Variants in ANKS1B observed in about 807,000 individuals in gnomAD.
The protein encoded by ANKS1B is ankyrin repeat and sterile alpha motif domain-containing protein 1B.
ANKS1B carries 36 observed loss-of-function variants against 148.3 expected under a neutral mutation model. That is an observed-to-expected ratio of 0.24 (90% CI 0.19 to 0.32). The LOEUF is 0.32. ANKS1B is among the 10% of genes least tolerant of loss of function. ANKS1B has a pLI of 1.00. For synonymous variants in ANKS1B, 542 were observed against 560.8 expected, an observed-to-expected ratio of 0.97 and a Z score of 0.47; for missense variants, 1,157 against 1,542.6, an observed-to-expected ratio of 0.75 and a Z score of 4.19.
intron 1 of ANKS1B, among the ~76,000 whole-genome samples, chr12:99,958,890 G>A (rs1326133046): frequency 6.6e-6 from 1 of 152,034 alleles, no homozygotes; most frequent in Non-Finnish European, 1.5e-5. Flanking sequence ...CAGAACTCTG[G>A]GTACAGATAA....
At chr12:98,819,824 C>T (rs1250291301) in intron 19 of ANKS1B, among the ~76,000 whole-genome samples, 1 of 152,166 alleles carries the variant, frequency 6.6e-6, no homozygotes, top group African/African-American at 2.4e-5. Context: ...TTAATGCATA[C>T]AGACAAAAGC....
At chr12:99,028,916 C>T (rs2099950389) in intron 17 of ANKS1B, among the ~76,000 whole-genome samples, 1 of 152,144 alleles carries the variant, frequency 6.6e-6, no homozygotes, top group South Asian at 2.1e-4. Flanking sequence ...ATTTTTATAA[C>T]TCCTTTAATG....
intron 9 of ANKS1B, among the ~76,000 whole-genome samples, chr12:99,530,095 C>T (rs187116491): frequency 3.3e-5 from 5 of 152,266 alleles, no homozygotes; most frequent in African/African-American, 1.2e-4. Flanking sequence ...GAAGCAGCCA[C>T]GTACAATATG....
intron 15 of ANKS1B, among the ~76,000 whole-genome samples, chr12:99,111,628 G>A (rs762203781): frequency 2.0e-5 from 3 of 151,878 alleles, no homozygotes; most frequent in African/African-American, 4.8e-5. Flanking sequence ...TCCCCTACAC[G>A]GCTCTGTATT....
chr12:99,311,025 T>C (rs2083073550), intron 12 of ANKS1B, among the ~76,000 whole-genome samples: 1 of 152,140 alleles, frequency 6.6e-6, no homozygotes, highest in Non-Finnish European at 1.5e-5. Flanking sequence ...ATAAGACACT[T>C]AGTAGGACGC....
At chr12:98,906,044 A>G in intron 17 of ANKS1B, among the ~76,000 whole-genome samples, 1 of 152,226 alleles carries the variant, frequency 6.6e-6, no homozygotes, top group African/African-American at 2.4e-5. Flanking sequence ...GTGGGAAGCC[A>G]CATTAACTCT....
chr12:99,392,368 T>C (rs1425158723), intron 12 of ANKS1B, among the ~76,000 whole-genome samples: 1 of 152,258 alleles, frequency 6.6e-6, no homozygotes, highest in Non-Finnish European at 1.5e-5. Flanking sequence ...TAGTGTTTTC[T>C]CTCCTTTGCA....
intron 20 of ANKS1B, among the ~76,000 whole-genome samples, chr12:98,806,101 G>A (rs933747695): frequency 6.6e-6 from 1 of 152,088 alleles, no homozygotes; most frequent in South Asian, 2.1e-4. Flanking sequence ...CGAACTCCTG[G>A]CCTCAAGTGA....
intron 26 of ANKS1B, among the ~76,000 whole-genome samples, chr12:98,748,527 G>C (rs1429803519): frequency 6.6e-6 from 1 of 152,148 alleles, no homozygotes; most frequent in Non-Finnish European, 1.5e-5. Flanking sequence ...TTGTGGGAAG[G>C]CCTCTCCCAT....
chr12:99,548,732 C>T (rs2097192537), intron 9 of ANKS1B, among the ~76,000 whole-genome samples: 2 of 152,106 alleles, frequency 1.3e-5, no homozygotes, highest in South Asian at 4.1e-4. Context: ...AGATAGTGCT[C>T]TTTGCCTTTG....
intron 17 of ANKS1B, among the ~76,000 whole-genome samples, chr12:98,868,276 G>A (rs751746166): frequency 1.3e-4 from 20 of 150,652 alleles, no homozygotes; most frequent in African/African-American, 1.9e-4. Context: ...CGCATGGAAC[G>A]GGAACACTGG....
chr12:99,283,318 C>A (rs1002622279), intron 12 of ANKS1B, among the ~76,000 whole-genome samples: 4 of 152,110 alleles, frequency 2.6e-5, no homozygotes, highest in African/African-American at 7.2e-5. Flanking sequence ...CAATCAGGTC[C>A]TCAAATATGA....
At chr12:98,793,991 T>A (rs1005619938) in intron 22 of ANKS1B, among the ~76,000 whole-genome samples, 9 of 152,268 alleles carry the variant, frequency 5.9e-5, no homozygotes, top group Non-Finnish European at 1.2e-4. Context: ...ATCTTTGAAG[T>A]GGGAGTTATT....
At chr12:99,630,450 A>G (rs2098146487) in intron 9 of ANKS1B, among the ~76,000 whole-genome samples, 2 of 152,046 alleles carry the variant, frequency 1.3e-5, no homozygotes, top group Non-Finnish European at 2.9e-5. Context: ...ATAATAAAGA[A>G]AAAAAAAGAG....
intron 12 of ANKS1B, among the ~76,000 whole-genome samples, chr12:99,334,758 C>T (rs1294599359): frequency 6.6e-6 from 1 of 152,046 alleles, no homozygotes; most frequent in Non-Finnish European, 1.5e-5. Flanking sequence ...TTATGAGCAA[C>T]TTAAAAAAGC....
rs568320531 is a variant in ANKS1B at position 99,035,235 on chromosome 12, T to C, written c.2778+17922A>G. ...AAGCCAGCCATAAAATCTAAAAATATTACTCTAACTTTCCCTCCACCTTTC... is the reference window on the plus strand; with the variant it reads ...AAGCCAGCCATAAAATCTAAAAATACTACTCTAACTTTCCCTCCACCTTTC... On this transcript the variant is annotated intron_variant, in intron 17 of 26. Transcript: ENST00000683438. Among the ~76,000 whole-genome samples the C allele has an allele frequency of 1.1e-4, 17 of 152,214 alleles. No individual in the cohort carries two copies. In the South Asian group the frequency reaches 1.2e-3, roughly 11 times the overall value.
intron 15 of ANKS1B, among the ~76,000 whole-genome samples, chr12:99,128,697 T>C (rs180790545): frequency 1.2e-3 from 180 of 152,330 alleles, no homozygotes; most frequent in African/African-American, 4.2e-3. Context: ...GCCTGTGGTA[T>C]AGCATTATGA....
chr12:99,131,540 A>G (rs1015842042), intron 15 of ANKS1B, among the ~76,000 whole-genome samples: 1 of 152,174 alleles, frequency 6.6e-6, no homozygotes, highest in African/African-American at 2.4e-5. Context: ...TCAGTTGTTT[A>G]TGCAGAACAA....
At chr12:99,290,502 C>A (rs1249643506) in intron 12 of ANKS1B, among the ~76,000 whole-genome samples, 2 of 151,786 alleles carry the variant, frequency 1.3e-5, no homozygotes, top group African/African-American at 2.4e-5. Flanking sequence ...AACATTGATG[C>A]CATTGATACA....
Sources: gnomAD v4.1 joint callset for allele counts (sites outside exome capture counted in the v4.1 genomes callset) on GRCh38, gnomAD v4.1.1 for gene constraint, MANE v1.5 for transcripts, NCBI Gene and HGNC (gene_info 2026-07-23, HGNC 2026-07-21) for gene names.